GPATCH2L: variants seen among roughly 807,000 people sequenced by gnomAD.
The protein encoded by GPATCH2L is G-patch domain containing 2 like, also known as G patch domain-containing protein 2-like.
Under a neutral mutation model 57.4 loss-of-function variants are expected in GPATCH2L, and 31 were observed. That is an observed-to-expected ratio of 0.54 (90% CI 0.41 to 0.73). The LOEUF (loss-of-function observed/expected upper bound fraction) is 0.73, where lower values mean the gene tolerates loss of function less well. GPATCH2L is among the 30% of genes least tolerant of loss of function. GPATCH2L has a pLI of 0.00. For missense variants in GPATCH2L, 481 were observed against 599.9 expected, an observed-to-expected ratio of 0.80 and a Z score of 2.07; for synonymous variants, 199 against 210.7, an observed-to-expected ratio of 0.94 and a Z score of 0.48.
At chr14:76,229,154 CCT>C (rs1226143378) in intron 1 of GPATCH2L, among the ~76,000 whole-genome samples, 2 of 152,214 alleles carry the variant, frequency 1.3e-5, no homozygotes, top group Non-Finnish European at 2.9e-5. Flanking sequence ...TCTTTGAACC[CCT>C]GTGTCAGGAG....
intron 1 of GPATCH2L, among the ~76,000 whole-genome samples, chr14:76,220,872 C>A (rs551896807): frequency 6.6e-6 from 1 of 151,894 alleles, no homozygotes; most frequent in African/African-American, 2.4e-5. Flanking sequence ...AGATGTTAGA[C>A]AATATTTGGA....
chr14:76,172,795 G>C (rs2039146313), intron 4 of GPATCH2L, among the ~76,000 whole-genome samples: 1 of 152,200 alleles, frequency 6.6e-6, no homozygotes. Context: ...CACACTACGA[G>C]ATGTAAACTT....
chr14:76,158,769 G>A (rs1594906357), intron 2 of GPATCH2L, among the ~76,000 whole-genome samples: 1 of 152,158 alleles, frequency 6.6e-6, no homozygotes, highest in Non-Finnish European at 1.5e-5. Context: ...TGAGATTCTC[G>A]AATAGCTAGC....
intron 2 of GPATCH2L, among the ~76,000 whole-genome samples, chr14:76,162,007 G>T (rs920011444): frequency 2.6e-5 from 4 of 152,182 alleles, no homozygotes; most frequent in Admixed American, 6.5e-5. Flanking sequence ...CTGCACTCCA[G>T]CCTGGGTGAC....
downstream of GPATCH2L, among the ~76,000 whole-genome samples, chr14:76,215,826 T>G (rs1595011451): frequency 6.7e-6 from 1 of 148,168 alleles, no homozygotes. Context: ...AGATGACGAG[T>G]TAGTGGGTGC....
intron 9 of GPATCH2L, among the ~76,000 whole-genome samples, chr14:76,198,731 G>A (rs1374418717): frequency 2.6e-5 from 4 of 151,896 alleles, no homozygotes; most frequent in Non-Finnish European, 5.9e-5. Context: ...TGATATGAGA[G>A]CGAGAGAGAG....
intron 2 of GPATCH2L, among the ~76,000 whole-genome samples, chr14:76,232,011 A>ACTGCAGCCTCACTG: frequency 6.6e-6 from 1 of 150,440 alleles, no homozygotes; most frequent in Non-Finnish European, 1.5e-5. Context: ...CTGCAGGCTC[A>ACTGCAGCCTCACTG]AGCAATCTTC....
intron 2 of GPATCH2L, chr14:76,234,920 G>T (rs1485599081): frequency 6.6e-6 from 1 of 152,346 alleles, no homozygotes; most frequent in Non-Finnish European, 1.5e-5. Flanking sequence ...TGTAATCCCA[G>T]CACTTTGGGA....
intron 2 of GPATCH2L, among the ~76,000 whole-genome samples, chr14:76,155,299 A>G (rs1379833382): frequency 6.6e-6 from 1 of 152,256 alleles, no homozygotes; most frequent in Non-Finnish European, 1.5e-5. Flanking sequence ...TTTTATTTTA[A>G]AAAACAATTT....
intron 2 of GPATCH2L, among the ~76,000 whole-genome samples, chr14:76,232,968 C>A (rs1161228751): frequency 6.6e-6 from 1 of 152,188 alleles, no homozygotes; most frequent in Admixed American, 6.5e-5. Flanking sequence ...TTAAACTGTC[C>A]AGTGGCCAAG....
At chr14:76,168,149 C>G (rs777120006) in intron 3 of GPATCH2L, among the ~76,000 whole-genome samples, 71 of 152,250 alleles carry the variant, frequency 4.7e-4, no homozygotes, top group Non-Finnish European at 5.6e-4. Context: ...TCTTGCTTCT[C>G]TGCCTTTGTT....
rs779920685 is a variant in GPATCH2L at position 76,154,764 on chromosome 14, G to A, written c.401G>A (p.Arg134Gln). Residue 134 changes from arginine (R) to glutamine (Q), a missense_variant, in exon 2 of 10, where the codon CGA (arginine) becomes CAA (glutamine). Coordinates refer to ENST00000261530, the MANE Select transcript of GPATCH2L (RefSeq NM_017926.4). This position sits in a 1 kb window ranked among gnomAD's most constrained non-coding sequence, Gnocchi z 4.4. ...RPLRRRRKVK[R>Q]VTSEVAASLQ... ...CTCAGGCGCAGGCGGAAGGTGAAGCGAGTGACATCAGAGGTGGCTGCTAGC... is the reference window on the plus strand; with the variant it reads ...CTCAGGCGCAGGCGGAAGGTGAAGCAAGTGACATCAGAGGTGGCTGCTAGC... The A allele has an allele frequency of 4.3e-6, 7 of 1,614,188 alleles. No homozygotes were observed. The highest frequency in any genetic ancestry group is 5.9e-6 in the Non-Finnish European group (7 of 1,180,040).
chr14:76,159,002 T>A (rs2038444237), intron 2 of GPATCH2L, among the ~76,000 whole-genome samples: 1 of 152,204 alleles, frequency 6.6e-6, no homozygotes, highest in Non-Finnish European at 1.5e-5. Context: ...GAGTGTTAAA[T>A]GTTGCTGCGG....
chr14:76,173,919 A>G, intron 5 of GPATCH2L: 1 of 413,258 alleles, frequency 2.4e-6, no homozygotes, highest in East Asian at 3.4e-5. Flanking sequence ...ACTTTTGATT[A>G]ATGTTATGTT....
rs2040382010 is a variant in GPATCH2L, at chr14:76,206,864, TAAAG to T, written c.*5015_*5018del. The T allele has an allele frequency of 6.6e-6, 1 of 152,202 alleles. No individual in the cohort carries two copies. Among genetic ancestry groups the T allele is most frequent in the Non-Finnish European group, 1.5e-5 (1 of 68,028 alleles). The allele number at this position is 152,202 out of a possible 1,614,324, so 9.4% of individuals were successfully genotyped here. The stretch of plus-strand genomic sequence containing the variant: ...GGTGCTCTCATATTCCCTCCATAAG[TAAAG>T]AGATTTTTTTTGTATAATTCTTTGC... On this transcript the variant is annotated 3_prime_UTR_variant, in exon 10 of 10. Transcript: ENST00000261530.
At chr14:76,187,397 G>A (rs188437647) in intron 8 of GPATCH2L, among the ~76,000 whole-genome samples, 1 of 151,916 alleles carries the variant, frequency 6.6e-6, no homozygotes, top group Non-Finnish European at 1.5e-5. Context: ...ACATTGGGTA[G>A]GCCTCCATAC....
At chr14:76,233,009 G>A (rs935840142) in intron 2 of GPATCH2L, among the ~76,000 whole-genome samples, 7 of 152,192 alleles carry the variant, frequency 4.6e-5, no homozygotes, top group Non-Finnish European at 8.8e-5. Context: ...CTCTTACCAG[G>A]CAGGACATCC....
At chr14:76,225,614 T>C (rs1249205339) in intron 1 of GPATCH2L, among the ~76,000 whole-genome samples, 1 of 152,168 alleles carries the variant, frequency 6.6e-6, no homozygotes, top group Non-Finnish European at 1.5e-5. Flanking sequence ...ACTATAATTA[T>C]TGGATTATAT....
chr14:76,154,594 A>G lies in GPATCH2L; in HGVS notation c.231A>G (p.Arg77=), dbSNP rs770432255. The G allele has an allele frequency of 6.2e-7, 1 of 1,614,148 alleles. No homozygotes were observed. The highest frequency in any genetic ancestry group is 1.3e-5 in the African/African-American group (1 of 74,956). ...SSLDEATKDC[R]EVAPVTNFSD... Reference sequence around the variant, plus strand: ...TGGATGAGGCCACTAAGGACTGTCGAGAAGTGGCTCCGGTGACCAATTTTA... The same window carrying G: ...TGGATGAGGCCACTAAGGACTGTCGGGAAGTGGCTCCGGTGACCAATTTTA... The change falls in exon 2 of 10, where the codon CGA becomes CGG. Residue 77 remains arginine, a synonymous_variant. Transcript: ENST00000261530. This position sits in a 1 kb window ranked among gnomAD's most constrained non-coding sequence, Gnocchi z 4.4.
Sources: allele counts gnomAD v4.1 joint callset (sites outside exome capture counted in the v4.1 genomes callset), GRCh38; gene constraint gnomAD v4.1.1; non-coding constraint Gnocchi (gnomAD v3.1); transcripts MANE v1.5; gene names NCBI Gene and HGNC (gene_info 2026-07-23, HGNC 2026-07-21).